The following MARCHF1 variants were observed in gnomAD, a reference collection of about 807,000 sequenced individuals.
MARCHF1 encodes E3 ubiquitin-protein ligase MARCHF1.
MARCHF1 carries 40 observed loss-of-function variants against 54.2 expected under a neutral mutation model. The observed-to-expected ratio is 0.74, with a 90% CI of 0.57 to 0.96. The LOEUF (loss-of-function observed/expected upper bound fraction) is 0.96. Among genes scored for constraint, MARCHF1 ranks in the 40% least tolerant of loss-of-function variants. MARCHF1 has a pLI of 0.00. For synonymous variants in MARCHF1, 236 were observed against 236.3 expected (o/e 1.00, Z 0.01); for missense variants, 586 against 656.5 (o/e 0.89, Z 1.17).
rs1732465672 is a variant in MARCHF1 at position 164,233,316 on chromosome 4, TTC to T, written c.-322-121656_-322-121655del. ...CTGGTCTTATTTACTCTTCTGGAAT[TTC>T]TGTCTTATTAACCTGCCCAATGACA... On this transcript the variant is annotated intron_variant, in intron 1 of 9. Coordinates refer to ENST00000514618, the MANE Select transcript of MARCHF1 (RefSeq NM_001394959.1). Among the ~76,000 whole-genome samples, 2 of 152,154 alleles carry T rather than the reference TTC, an allele frequency of 1.3e-5. 1 individual carries two copies. Among genetic ancestry groups the T allele is most frequent in the Admixed American group, 1.3e-4 (2 of 15,266 alleles).
chr4:163,740,204 C>T (rs1466607697), intron 4 of MARCHF1, among the ~76,000 whole-genome samples: 3 of 152,164 alleles, frequency 2.0e-5, no homozygotes, highest in African/African-American at 7.2e-5. Flanking sequence ...CCCCCAACCT[C>T]CCACTAACTT....
intron 2 of MARCHF1, among the ~76,000 whole-genome samples, chr4:164,092,315 C>T (rs1422179946): frequency 6.6e-6 from 1 of 152,148 alleles, no homozygotes; most frequent in Non-Finnish European, 1.5e-5. Context: ...GCCTTAACAT[C>T]TGTGGACTCA....
chr4:164,348,409 A>C (rs1730176314), intron 1 of MARCHF1, among the ~76,000 whole-genome samples: 1 of 152,186 alleles, frequency 6.6e-6, no homozygotes, highest in Non-Finnish European at 1.5e-5. Context: ...GAATGTTGGA[A>C]TTTATCTAAT....
At chr4:163,867,206 T>C (rs941124885) in intron 3 of MARCHF1, among the ~76,000 whole-genome samples, 2 of 151,960 alleles carry the variant, frequency 1.3e-5, no homozygotes, top group African/African-American at 4.8e-5. Flanking sequence ...AACTATCAGT[T>C]GTGGTCTGAG....
rs550663690 is a variant in MARCHF1, at chr4:164,196,909, G to A, written c.-322-85247C>T. 1.5e-5 allele frequency: 22 copies of A among 1,444,060 alleles called. No homozygotes were observed. In the African/African-American group the frequency reaches 2.5e-4, roughly 17 times the overall value. 89.5% of individuals were successfully genotyped at this position (1,444,060 alleles called of 1,614,324 possible). A position where few individuals can be genotyped will look rare whatever the true frequency, so the allele number is the denominator to read the frequency against. On this transcript the variant is annotated intron_variant, in intron 1 of 9. Transcript: ENST00000514618. ...AAGTTTCAGGGGGCAGGATTGGAGGGGGGAGGGGATATGGGTAAAAACAGT... is the reference window on the plus strand; with the variant it reads ...AAGTTTCAGGGGGCAGGATTGGAGGAGGGAGGGGATATGGGTAAAAACAGT...
At chr4:163,845,571 A>G (rs2111145169) in intron 4 of MARCHF1, among the ~76,000 whole-genome samples, 1 of 152,122 alleles carries the variant, frequency 6.6e-6, no homozygotes, top group African/African-American at 2.4e-5. Flanking sequence ...ATCTTAAAAA[A>G]CTAAAGTGTT....
chr4:164,194,378 G>A (rs1281093689), intron 1 of MARCHF1, among the ~76,000 whole-genome samples: 1 of 152,096 alleles, frequency 6.6e-6, no homozygotes, highest in African/African-American at 2.4e-5. Flanking sequence ...GACTTCACTG[G>A]GAGCATAATG....
intron 1 of MARCHF1, among the ~76,000 whole-genome samples, chr4:164,307,694 C>A (rs1478627346): frequency 1.3e-5 from 2 of 152,106 alleles, no homozygotes; most frequent in Non-Finnish European, 2.9e-5. Context: ...AGAGACTGGG[C>A]CAAATGCTAA....
chr4:164,099,346 T>G (rs1241385087), intron 2 of MARCHF1, among the ~76,000 whole-genome samples: 3 of 152,180 alleles, frequency 2.0e-5, no homozygotes, highest in Admixed American at 6.5e-5. Context: ...TTAAAGAGAT[T>G]TAAGGCTATG....
chr4:164,106,593 A>G (rs920441364), intron 2 of MARCHF1, among the ~76,000 whole-genome samples: 8 of 145,044 alleles, frequency 5.5e-5, no homozygotes, highest in Admixed American at 1.4e-4. Context: ...AGGAAGGGGA[A>G]TATCACACTC....
intron 1 of MARCHF1, among the ~76,000 whole-genome samples, chr4:164,123,669 GA>G (rs910908650): frequency 6.6e-6 from 1 of 152,048 alleles, no homozygotes; most frequent in Non-Finnish European, 1.5e-5. Flanking sequence ...ACTCATTTTT[GA>G]CAAAGATGCC....
In MARCHF1 at chr4:164,360,602, G is replaced by C. The variant is rs982464715; in HGVS notation, c.-323+23268C>G. 5.9e-5 allele frequency among the ~76,000 whole-genome samples: 9 copies of C among 152,064 alleles called. No individual in the cohort carries two copies. In the South Asian group the frequency reaches 1.9e-3, roughly 32 times the overall value. On this transcript the variant is annotated intron_variant, in intron 1 of 9. Coordinates refer to ENST00000514618, the MANE Select transcript of MARCHF1 (RefSeq NM_001394959.1). ...GAGTTGTTTAAGTGTCGATTTTTCA[G>C]CCCCACCCAAAGAGTTCTACTGAGA... is the stretch of plus-strand genomic sequence containing the variant.
At chr4:163,784,272 T>C (rs1747551701) in intron 4 of MARCHF1, among the ~76,000 whole-genome samples, 2 of 152,002 alleles carry the variant, frequency 1.3e-5, no homozygotes, top group African/African-American at 2.4e-5. Context: ...TCTATTATTA[T>C]ACCAATCTAG....
At chr4:163,917,960 T>A (rs1751346221) in intron 3 of MARCHF1, among the ~76,000 whole-genome samples, 1 of 152,186 alleles carries the variant, frequency 6.6e-6, no homozygotes, top group Non-Finnish European at 1.5e-5. Context: ...CATCATGAAA[T>A]CTTTGCCTGT....
chr4:164,269,758 G>A (rs971296344), intron 1 of MARCHF1, among the ~76,000 whole-genome samples: 2 of 152,066 alleles, frequency 1.3e-5, no homozygotes, highest in African/African-American at 4.8e-5. Flanking sequence ...TTTGTGTTTA[G>A]TTTTTCTTTT....
chr4:163,745,685 A>T (rs1239477422), intron 4 of MARCHF1, among the ~76,000 whole-genome samples: 1 of 152,226 alleles, frequency 6.6e-6, no homozygotes, highest in Admixed American at 6.5e-5. Flanking sequence ...ATGCCATGAG[A>T]TAACTCCCAG....
At chr4:163,564,087 A>G (rs2110986393) in intron 8 of MARCHF1, among the ~76,000 whole-genome samples, 1 of 152,278 alleles carries the variant, frequency 6.6e-6, no homozygotes. Flanking sequence ...TGTTTGCCTT[A>G]TGAGTTCACT....
At chr4:164,141,390 C>A (rs895710250) in intron 1 of MARCHF1, among the ~76,000 whole-genome samples, 1 of 152,156 alleles carries the variant, frequency 6.6e-6, no homozygotes. Context: ...TGTCTTTAGA[C>A]AACTACTTAC....
chr4:163,996,194 T>C (rs1481449582), intron 2 of MARCHF1, among the ~76,000 whole-genome samples: 1 of 151,960 alleles, frequency 6.6e-6, no homozygotes, highest in Non-Finnish European at 1.5e-5. Context: ...TAATCTAACA[T>C]TAGTAATGTT....
Sources: allele counts gnomAD v4.1 joint callset (sites outside exome capture counted in the v4.1 genomes callset), GRCh38; gene constraint gnomAD v4.1.1; transcripts MANE v1.5; gene names NCBI Gene and HGNC (gene_info 2026-07-23, HGNC 2026-07-21).